NDRG2: variants seen among roughly 807,000 people sequenced by gnomAD.
NDRG2 encodes the protein NDRG family member 2.
NDRG2 carries 34 observed loss-of-function variants against 58.2 expected under a neutral mutation model. The observed-to-expected ratio is 0.58, with a 90% CI of 0.44 to 0.78. The LOEUF is 0.78. Among genes scored for constraint, NDRG2 ranks in the 30% least tolerant of loss-of-function variants. The pLI is 0.00. For missense variants in NDRG2, 434 were observed against 471.2 expected (o/e 0.92, Z 0.73); for synonymous variants, 187 against 175.9 (o/e 1.06, Z -0.50).
At chr14:21,061,848 T>C (rs1372382655) in intron 1 of NDRG2, among the ~76,000 whole-genome samples, 1 of 152,226 alleles carries the variant, frequency 6.6e-6, no homozygotes, top group African/African-American at 2.4e-5. Context: ...TAAGAAAACA[T>C]AGAAATTGAA....
chr14:21,020,837 T>G lies in NDRG2; in HGVS notation c.415A>C (p.Thr139Pro), dbSNP rs375087853. The G allele has an allele frequency of 6.2e-7, 1 of 1,613,272 alleles. No homozygotes were observed. The highest frequency in any genetic ancestry group is 1.1e-5 in the South Asian group (1 of 90,920). ...PCVLQYLNFS[T>P]IIGVGVGAGA... is the part of the protein sequence containing the mutation. ...GCTCCAACACCAACTCCAATTATTG[T>G]AGAGAAACTGTGAAAGGGAAAGAAA... The change falls in exon 7 of 16, where the codon ACA (threonine) becomes CCA (proline). Residue 139 changes from threonine to proline, a missense_variant. Coordinates refer to ENST00000556147, the MANE Select transcript of NDRG2 (RefSeq NM_001320329.2).
intron 1 of NDRG2, among the ~76,000 whole-genome samples, chr14:21,059,738 G>A (rs1431366646): frequency 1.3e-5 from 2 of 152,044 alleles, no homozygotes; most frequent in Admixed American, 6.5e-5. Context: ...GGGCTCAAGC[G>A]ATCCCTCAAC....
intron 1 of NDRG2, chr14:21,043,453 G>C: frequency 1.3e-6 from 2 of 1,590,600 alleles, no homozygotes; most frequent in Non-Finnish European, 1.7e-6. Context: ...CACTTGGACA[G>C]AGTCCTTTAG....
chr14:21,053,587 A>G (rs578226207), intron 1 of NDRG2, among the ~76,000 whole-genome samples: 1 of 152,274 alleles, frequency 6.6e-6, no homozygotes, highest in East Asian at 1.9e-4. Context: ...AGATCTCGCC[A>G]CTGCAGTCTA....
At chr14:21,058,572 C>T in intron 1 of NDRG2, 1 of 552,744 alleles carries the variant, frequency 1.8e-6, no homozygotes, top group East Asian at 3.0e-5. Context: ...TTGTAGCTTA[C>T]TTTGCAGCCC....
upstream of NDRG2, chr14:21,025,507 G>A (rs995111699): frequency 1.6e-5 from 16 of 985,314 alleles, no homozygotes; most frequent in African/African-American, 1.7e-5. This position sits in a 1 kb window ranked among gnomAD's most constrained non-coding sequence, Gnocchi z 5.1. Context: ...GACTCCCCCC[G>A]CCCGAACACA....
Position 21,024,705 on chromosome 14 carries a change from A to G in NDRG2, c.-682T>C. 1 of 985,258 alleles carries G rather than the reference A, an allele frequency of 1.0e-6. No homozygotes were observed. Among genetic ancestry groups the G allele is most frequent in the South Asian group, 4.7e-5 (1 of 21,282 alleles). The allele number at this position is 985,258 out of a possible 1,614,324, so 61.0% of individuals were successfully genotyped here. A position where few individuals can be genotyped will look rare whatever the true frequency, so the allele number is the denominator to read the frequency against. The stretch of plus-strand genomic sequence containing the variant: ...CGAAGGCAAGCGCCATCGGGAAGGG[A>G]TGGGTAGGACAGAGGAGACCGGCCG... On this transcript the variant is annotated 5_prime_UTR_variant, in exon 1 of 16. Coordinates refer to ENST00000556147, the MANE Select transcript of NDRG2 (RefSeq NM_001320329.2).
At chr14:21,036,921 T>C (rs569320629) in intron 1 of NDRG2, among the ~76,000 whole-genome samples, 1 of 152,340 alleles carries the variant, frequency 6.6e-6, no homozygotes, top group East Asian at 1.9e-4. Flanking sequence ...CGGGTGCCAA[T>C]GCAGGGTGTC....
intron 1 of NDRG2, among the ~76,000 whole-genome samples, chr14:21,057,341 C>A (rs997930704): frequency 1.3e-5 from 2 of 151,540 alleles, no homozygotes; most frequent in Non-Finnish European, 2.9e-5. Context: ...GAGGCTGAGG[C>A]AGGAGAATTG....
intron 1 of NDRG2, among the ~76,000 whole-genome samples, chr14:21,062,712 T>TGTGC (rs1211996571): frequency 6.8e-6 from 1 of 147,516 alleles, no homozygotes; most frequent in African/African-American, 2.5e-5. Context: ...GGGCACAGTG[T>TGTGC]GTGTGTGTGT....
At chr14:21,031,391 G>A (rs1011903974) in intron 1 of NDRG2, 125 of 538,078 alleles carry the variant, frequency 2.3e-4, no homozygotes, top group Non-Finnish European at 3.3e-4. Flanking sequence ...ATTTCCAAGT[G>A]TCTAGTATCT....
rs146903673 is a variant in NDRG2 at position 21,016,804 on chromosome 14, A to C, written c.*792T>G. The C allele has an allele frequency of 8.4e-5, 38 of 451,558 alleles. No individual in the cohort carries two copies. Among genetic ancestry groups the C allele is most frequent in the African/African-American group, 7.2e-4 (36 of 50,028 alleles). 28.0% of individuals were successfully genotyped at this position (451,558 alleles called of 1,614,324 possible). On this transcript the variant is annotated 3_prime_UTR_variant, in exon 16 of 16. Coordinates refer to ENST00000556147, the MANE Select transcript of NDRG2 (RefSeq NM_001320329.2). ...CCTCTACAGTTTATTGTTATAGCAG[A>C]AGTTGTGGGAGACGGGAGGGCACCC...
chr14:21,070,847 T>A lies in NDRG2; in HGVS notation c.5A>T (p.Glu2Val). The change falls in exon 1 of 15, where the codon GAA becomes GTA. Residue 2 changes from glutamate (E) to valine (V), a missense_variant. Glu to Val is a moderately radical substitution (Grantham distance 121, BLOSUM62 -2). Transcript: ENST00000403829. The surrounding 1 kb of genome is among the most constrained non-coding windows in gnomAD (Gnocchi z 4.7). ...ACTGACCTGCATGGAACCACCATTT[T>A]CCATCCCTGTCCCCAACCCGGTGAG... 1 of 1,535,638 alleles carries A rather than the reference T, an allele frequency of 6.5e-7. No homozygotes were observed. The highest frequency in any genetic ancestry group is 8.7e-7 in the Non-Finnish European group (1 of 1,146,884).
rs1178238825 is a variant in NDRG2, at chr14:21,038,671, G to C, written c.25-15350C>G. On this transcript the variant is annotated intron_variant, in intron 1 of 14. Coordinates refer to the NDRG2 transcript ENST00000403829. ...GAGATAAAGTTAGAAAGACAGGTTT[G>C]CCCGATTGTGACAGACCCTGATTAC... 3.3e-5 allele frequency among the ~76,000 whole-genome samples: 5 copies of C among 152,336 alleles called. No homozygotes were observed. In the East Asian group the frequency reaches 5.8e-4, roughly 18 times the overall value.
At chr14:21,059,972 C>CATATACAT (rs1464403975) in intron 1 of NDRG2, among the ~76,000 whole-genome samples, 3 of 152,158 alleles carry the variant, frequency 2.0e-5, no homozygotes, top group Non-Finnish European at 2.9e-5. Context: ...CCCCCATATG[C>CATATACAT]ATATACATAC....
In NDRG2 at chr14:21,024,925, TC is replaced by T; in HGVS notation, c.-903del. The T allele has an allele frequency of 1.0e-6, 1 of 985,428 alleles. No individual in the cohort carries two copies. The highest frequency in any genetic ancestry group is 1.2e-6 in the Non-Finnish European group (1 of 830,028). The allele number at this position is 985,428 out of a possible 1,614,324, so 61.0% of individuals were successfully genotyped here. ...GAGCGCCCGCTCCGTGCTGGCCCTT[TC>T]CCCCGAGCCTCCAGCTCCAGGGGAC... On this transcript the variant is annotated 5_prime_UTR_variant, in exon 1 of 16. Coordinates refer to ENST00000556147, the MANE Select transcript of NDRG2 (RefSeq NM_001320329.2).
intron 8 of NDRG2, 112 bp from the exon 9 acceptor site, chr14:21,020,088 G>A: frequency 3.5e-6 from 3 of 864,044 alleles, no homozygotes; most frequent in Non-Finnish European, 5.7e-6. Context: ...GAGGTCAGGA[G>A]TTCAAGACCA....
At chr14:21,043,231 C>G (rs770978409) in intron 1 of NDRG2, 1 of 1,614,042 alleles carries the variant, frequency 6.2e-7, no homozygotes, top group South Asian at 1.1e-5. Flanking sequence ...TCCAGTGTGG[C>G]CGCCACCTGC....
chr14:21,057,417 C>T (rs1174940155), intron 1 of NDRG2, among the ~76,000 whole-genome samples: 1 of 149,296 alleles, frequency 6.7e-6, no homozygotes, highest in African/African-American at 2.5e-5. Flanking sequence ...GCATGGGCGA[C>T]AAGAGCGAAA....
Sources: allele counts gnomAD v4.1 joint callset (sites outside exome capture counted in the v4.1 genomes callset), GRCh38; gene constraint gnomAD v4.1.1; non-coding constraint Gnocchi (gnomAD v3.1); transcripts MANE v1.5; gene names NCBI Gene and HGNC (gene_info 2026-07-23, HGNC 2026-07-21).